The following NFKBID variants were observed in gnomAD, a reference collection of about 807,000 sequenced individuals.
The protein encoded by NFKBID is NFKB inhibitor delta.
A neutral mutation model predicts 53.4 loss-of-function variants in NFKBID; 26 were observed. That is an observed-to-expected ratio of 0.49 (90% CI 0.36 to 0.68). NFKBID has a LOEUF of 0.68. NFKBID is among the 30% of genes least tolerant of loss of function. NFKBID has a pLI of 0.00. For synonymous variants in NFKBID, 262 were observed against 259.8 expected (o/e 1.01, Z -0.08); for missense variants, 493 against 614.1 (o/e 0.80, Z 2.08).
At chr19:35,890,577 C>T (rs757965413) in intron 9 of NFKBID, 87 bp from the exon 10 acceptor site, 6 of 922,528 alleles carry the variant, frequency 6.5e-6, no homozygotes, top group Admixed American at 5.1e-5. Context: ...AAGACCCTGA[C>T]CCTTGGCGGA....
chr19:35,900,802 C>A, upstream of NFKBID: 3 of 288,882 alleles, frequency 1.0e-5, no homozygotes, highest in Non-Finnish European at 1.9e-5. Context: ...GATTTCTTTT[C>A]TTTTCTTTTT....
At chr19:35,898,436 AG>A in intron 3 of NFKBID, 35 bp downstream of exon 3, 6 of 1,392,936 alleles carry the variant, frequency 4.3e-6, no homozygotes, top group Non-Finnish European at 5.9e-6. Context: ...CCCTTAGGGA[AG>A]GGGGATGGGG....
chr19:35,895,183 TAAC>T (rs1568490095), intron 9 of NFKBID, among the ~76,000 whole-genome samples: 1 of 151,384 alleles, frequency 6.6e-6, no homozygotes, highest in Non-Finnish European at 1.5e-5. Flanking sequence ...TATTCCCAGT[TAAC>T]AACTAGGGGC....
intron 4 of NFKBID, chr19:35,897,380 G>A (rs370764917): frequency 4.0e-5 from 22 of 550,744 alleles, no homozygotes; most frequent in South Asian, 2.3e-4. Context: ...TCAGCCTCCC[G>A]AGTAGCTAGG....
At chr19:35,900,813 CTTTTTTTTCTTTTCT>C (rs1379535635), upstream of NFKBID, among the ~76,000 whole-genome samples, 1 of 127,940 alleles carries the variant, frequency 7.8e-6, no homozygotes, top group African/African-American at 2.9e-5. Flanking sequence ...TTTTCTTTTT[CTTTTTTTTCTTTTCT>C]TTTTTTTTTT....
At chr19:35,900,600 G>A in exon 1 of NFKBID, 1 of 1,230,584 alleles carries the variant, frequency 8.1e-7, no homozygotes, top group Non-Finnish European at 1.0e-6. Flanking sequence ...GCCCAGTCCT[G>A]GGCAGGGCCC....
intron 9 of NFKBID, among the ~76,000 whole-genome samples, chr19:35,892,407 G>C (rs1011983021): frequency 8.6e-5 from 13 of 151,620 alleles, no homozygotes; most frequent in African/African-American, 2.9e-4. Flanking sequence ...AAAATTAGTG[G>C]GGTGTGATAG....
At chr19:35,894,915 C>A (rs1975027600) in intron 9 of NFKBID, among the ~76,000 whole-genome samples, 1 of 151,908 alleles carries the variant, frequency 6.6e-6, no homozygotes, top group South Asian at 2.1e-4. Flanking sequence ...ATCGCTTGAA[C>A]CCAGGAGGCG....
intron 11 of NFKBID, among the ~76,000 whole-genome samples, 176 bp downstream of exon 11, chr19:35,889,714 A>AG (rs1418628906): frequency 6.6e-6 from 1 of 152,170 alleles, no homozygotes; most frequent in Admixed American, 6.5e-5. Flanking sequence ...TCTGGGGTAA[A>AG]GGATGAAACA....
intron 9 of NFKBID, among the ~76,000 whole-genome samples, chr19:35,895,078 G>C (rs1009880769): frequency 3.3e-5 from 5 of 152,082 alleles, no homozygotes; most frequent in African/African-American, 9.7e-5. Context: ...CATGTCAAAG[G>C]GTGTTTGTGA....
At chr19:35,889,702 A>G (rs1974617829) in intron 11 of NFKBID, among the ~76,000 whole-genome samples, 188 bp downstream of exon 11, 2 of 152,206 alleles carry the variant, frequency 1.3e-5, no homozygotes, top group African/African-American at 4.8e-5. Flanking sequence ...AGAAGTCACC[A>G]TTCTGGGGTA....
chr19:35,892,809 C>T (rs188876315), intron 9 of NFKBID, among the ~76,000 whole-genome samples: 279 of 152,306 alleles, frequency 1.8e-3, no homozygotes, highest in Admixed American at 2.9e-3. Flanking sequence ...TACTTATCAT[C>T]TCCTCTCTTT....
At chr19:35,898,738 GGCT>G (rs1366191115) in exon 2 of NFKBID, 4 of 1,535,688 alleles carry the variant, frequency 2.6e-6, no homozygotes, top group Non-Finnish European at 3.5e-6. Context: ...GCCAGCGTCG[GGCT>G]GCTGCTGCTG....
At chr19:35,898,029 G>A (rs759960261) in intron 3 of NFKBID, among the ~76,000 whole-genome samples, 173 bp from the exon 4 acceptor site, 29 of 152,066 alleles carry the variant, frequency 1.9e-4, no homozygotes, top group Non-Finnish European at 2.6e-4. Context: ...CTGGACTCCT[G>A]GGGCACTAAA....
chr19:35,888,372 G>A (rs1037744020), exon 12 of NFKBID: 2 of 578,512 alleles, frequency 3.5e-6, no homozygotes, highest in African/African-American at 3.8e-5. Context: ...GGGTAGAAGA[G>A]GGGTATCACA....
chr19:35,891,247 A>G (rs1974741931), intron 9 of NFKBID, among the ~76,000 whole-genome samples: 1 of 152,220 alleles, frequency 6.6e-6, no homozygotes, highest in South Asian at 2.1e-4. Context: ...AAAATAAAAG[A>G]CATTTTCTAA....
At chr19:35,900,822 CTTTTCTTTTTT>C (rs1238133430), upstream of NFKBID, among the ~76,000 whole-genome samples, 2 of 121,920 alleles carry the variant, frequency 1.6e-5, no homozygotes, top group African/African-American at 6.8e-5. Flanking sequence ...TCTTTTTTTT[CTTTTCTTTTTT>C]TTTTTTTTTT....
At chr19:35,897,851 G>C (rs779060718) in exon 4 of NFKBID, 128 of 1,545,296 alleles carry the variant, frequency 8.3e-5, no homozygotes, top group Non-Finnish European at 1.4e-5. Context: ...GGGAAGGGAG[G>C]GTGGCCTGCG....
chr19:35,902,258 A>G, upstream of NFKBID: 1 of 704,294 alleles, frequency 1.4e-6, no homozygotes, highest in Non-Finnish European at 2.6e-6. Context: ...TTGGCTGTCT[A>G]GGATCCCTCT....
Sources: allele counts gnomAD v4.1 joint callset (sites outside exome capture counted in the v4.1 genomes callset), GRCh38; gene constraint gnomAD v4.1.1; transcripts MANE v1.5; gene names NCBI Gene and HGNC (gene_info 2026-07-23, HGNC 2026-07-21).